Variants in TANGO6 observed in about 807,000 individuals in gnomAD.
TANGO6 encodes transport and golgi organization 6 homolog.
TANGO6 carries 90 observed loss-of-function variants against 114.2 expected under a neutral mutation model. The ratio of observed to expected loss-of-function variants is 0.79; its 90% confidence interval spans 0.66 to 0.94. The LOEUF (loss-of-function observed/expected upper bound fraction) is 0.94, where lower values mean the gene tolerates loss of function less well. Ranked by LOEUF, TANGO6 falls within the 40% of genes least tolerant of loss-of-function variation. The pLI is 0.00. For missense variants in TANGO6, 1,274 were observed against 1,315.3 expected (o/e 0.97, Z 0.49); for synonymous variants, 477 against 509.8 (o/e 0.94, Z 0.87).
intron 15 of TANGO6, among the ~76,000 whole-genome samples, chr16:69,020,904 A>ATGTGTGTGTGTGTGTGTGTGTGTGTGTG (rs34350425): frequency 1.1e-5 from 1 of 87,284 alleles, no homozygotes; most frequent in African/African-American, 2.9e-5. Flanking sequence ...ATATGTATGT[A>ATGTGTGTGTGTGTGTGTGTGTGTGTGTG]TGTGTGTGTG....
intron 7 of TANGO6, among the ~76,000 whole-genome samples, chr16:68,884,343 A>G (rs1435623884): frequency 6.6e-6 from 1 of 152,220 alleles, no homozygotes; most frequent in Admixed American, 6.5e-5. Context: ...AGATTGAAAG[A>G]TGACATGGTG....
At chr16:69,070,282 AAAGT>A (rs1960278768) in intron 17 of TANGO6, among the ~76,000 whole-genome samples, 1 of 152,076 alleles carries the variant, frequency 6.6e-6, no homozygotes. Context: ...GGCATTCCTG[AAAGT>A]AAGAGGAGGA....
rs147587979 is a variant in TANGO6 at position 68,972,926 on chromosome 16, G to A, written c.2702-1102G>A. On this transcript the variant is annotated intron_variant, in intron 14 of 17. Coordinates refer to ENST00000261778, the MANE Select transcript of TANGO6 (RefSeq NM_024562.2). ...GAGGGGAAGTGAGGCCGACTCCTCC[G>A]AGCCAGGATCACTTGGCCTACTGGA... 5.8e-3 allele frequency: 1,643 copies of A among 283,492 alleles called. 9 individuals carry two copies. The highest frequency in any genetic ancestry group is 0.013 in the South Asian group (406 of 30,916). 17.6% of individuals were successfully genotyped at this position (283,492 alleles called of 1,614,324 possible). A position where few individuals can be genotyped will look rare whatever the true frequency, so the allele number is the denominator to read the frequency against.
At chr16:68,901,519 C>T (rs1386232440) in intron 8 of TANGO6, among the ~76,000 whole-genome samples, 3 of 152,178 alleles carry the variant, frequency 2.0e-5, no homozygotes, top group Non-Finnish European at 4.4e-5. Context: ...GACGGAGTCT[C>T]GCTCTGTTGC....
At chr16:68,956,417 C>G (rs899522990) in intron 14 of TANGO6, among the ~76,000 whole-genome samples, 1 of 152,132 alleles carries the variant, frequency 6.6e-6, no homozygotes, top group African/African-American at 2.4e-5. Context: ...AGGAGTCTAA[C>G]AGAAGGCCCT....
chr16:68,947,645 G>C (rs528983647), intron 14 of TANGO6, among the ~76,000 whole-genome samples: 219 of 140,248 alleles, frequency 1.6e-3, no homozygotes, highest in African/African-American at 5.7e-3. Flanking sequence ...AGGCTGGAGT[G>C]CAGTGGCGTG....
At chr16:68,980,341 C>T (rs934392458) in intron 15 of TANGO6, among the ~76,000 whole-genome samples, 2 of 145,018 alleles carry the variant, frequency 1.4e-5, no homozygotes, top group African/African-American at 5.1e-5. Context: ...AAACAGCTTT[C>T]CCAAACCAGG....
chr16:68,875,354 T>C, intron 5 of TANGO6, 64 bp downstream of exon 5: 1 of 1,559,654 alleles, frequency 6.4e-7, no homozygotes, highest in Admixed American at 1.8e-5. Context: ...AAGAGGACTT[T>C]TAATGTTCCT....
At chr16:68,846,975 C>G (rs1425942630) in intron 1 of TANGO6, 1 of 151,650 alleles carries the variant, frequency 6.6e-6, no homozygotes, top group Admixed American at 6.6e-5. Context: ...ATTGCCACCT[C>G]CGCCTCCCGG....
chr16:68,949,941 A>G (rs1169776868), intron 14 of TANGO6, among the ~76,000 whole-genome samples: 1 of 152,208 alleles, frequency 6.6e-6, no homozygotes, highest in African/African-American at 2.4e-5. Context: ...GTATGTACAC[A>G]GTGGAATATT....
chr16:68,913,501 C>T (rs953767140), intron 11 of TANGO6, among the ~76,000 whole-genome samples: 10 of 150,400 alleles, frequency 6.6e-5, no homozygotes, highest in Admixed American at 2.0e-4. Context: ...CTCTGCCTCC[C>T]GGGTTGAAGC....
At chr16:68,900,643 A>T in intron 8 of TANGO6, 97 bp downstream of exon 8, 1 of 989,968 alleles carries the variant, frequency 1.0e-6, no homozygotes, top group Non-Finnish European at 1.5e-6. Flanking sequence ...GCCACTTTGA[A>T]ATTATCATTT....
chr16:68,999,290 G>A (rs1357092586), intron 15 of TANGO6, among the ~76,000 whole-genome samples: 1 of 152,150 alleles, frequency 6.6e-6, no homozygotes, highest in African/African-American at 2.4e-5. Flanking sequence ...AAGATAACCT[G>A]TATCTCCTGG....
At chr16:69,045,871 C>A (rs979375237) in intron 17 of TANGO6, among the ~76,000 whole-genome samples, 3 of 151,546 alleles carry the variant, frequency 2.0e-5, no homozygotes, top group African/African-American at 7.3e-5. Context: ...CAAGACCAGC[C>A]TGGCCAACAT....
At chr16:68,991,154 G>T (rs542138005) in intron 15 of TANGO6, among the ~76,000 whole-genome samples, 2 of 152,190 alleles carry the variant, frequency 1.3e-5, no homozygotes, top group Admixed American at 6.5e-5. Context: ...GAGAAGAAAG[G>T]CTAGATAGAC....
intron 15 of TANGO6, among the ~76,000 whole-genome samples, chr16:68,980,002 C>T (rs1963808295): frequency 1.3e-5 from 2 of 151,884 alleles, no homozygotes; most frequent in South Asian, 4.2e-4. Flanking sequence ...TGCCACCATG[C>T]CCGGCTAATT....
chr16:69,051,041 A>C lies in TANGO6; in HGVS notation c.3108+10620A>C, dbSNP rs868622218. 2.6e-5 allele frequency among the ~76,000 whole-genome samples: 4 copies of C among 152,052 alleles called. No individual in the cohort carries two copies. In the South Asian group the frequency reaches 8.3e-4, roughly 32 times the overall value. On this transcript the variant is annotated intron_variant, in intron 17 of 17. Coordinates refer to ENST00000261778, the MANE Select transcript of TANGO6 (RefSeq NM_024562.2). ...ATTTAATTTTTATTCCCCCCAAATA[A>C]AAATATTATGTAATTAAATTACATA...
At chr16:69,065,603 G>C (rs1960204250) in intron 17 of TANGO6, among the ~76,000 whole-genome samples, 1 of 152,124 alleles carries the variant, frequency 6.6e-6, no homozygotes, top group Non-Finnish European at 1.5e-5. Context: ...AGGTCTAGCA[G>C]AGAAAAATAC....
At chr16:68,890,073 G>A (rs1254652456) in intron 7 of TANGO6, among the ~76,000 whole-genome samples, 4 of 152,144 alleles carry the variant, frequency 2.6e-5, no homozygotes, top group South Asian at 4.1e-4. Flanking sequence ...TAATGTTTTA[G>A]AAGGCTGTAT....
Sources: gnomAD v4.1 joint callset for allele counts (sites outside exome capture counted in the v4.1 genomes callset) on GRCh38, gnomAD v4.1.1 for gene constraint, MANE v1.5 for transcripts, NCBI Gene and HGNC (gene_info 2026-07-23, HGNC 2026-07-21) for gene names.